Variants in DNAH11 observed in about 807,000 individuals in gnomAD.
DNAH11 encodes the protein axonemal beta dynein heavy chain 11.
In DNAH11, 442 loss-of-function variants were observed where a neutral mutation model predicts 526.0. The ratio of observed to expected loss-of-function variants is 0.84; its 90% confidence interval spans 0.78 to 0.91. DNAH11 has a LOEUF of 0.91. Among genes scored for constraint, DNAH11 ranks in the 40% least tolerant of loss-of-function variants. The pLI is 0.00. For synonymous variants in DNAH11, 2,461 were observed against 1,935.9 expected, an observed-to-expected ratio of 1.27 and a Z score of -7.12; for missense variants, 6,989 against 5,448.7, an observed-to-expected ratio of 1.28 and a Z score of -8.90.
At position 21,638,971 on chromosome 7, in the gene DNAH11, A is replaced by C. The variant is rs747775141; in HGVS notation, c.4850A>C (p.Tyr1617Ser). 2 of 1,611,892 alleles carry C rather than the reference A, an allele frequency of 1.2e-6. No homozygotes were observed. The highest frequency in any genetic ancestry group is 3.4e-5 in the Admixed American group (2 of 59,512). ...LSLCEKALAEYLETKRIAFPR... is the reference protein window; with the variant it reads ...LSLCEKALAESLETKRIAFPR... ...CTTTGTGAAAAAGCTCTCGCTGAATACCTGGAAACCAAGCGCATAGCCTTT... is the reference window on the plus strand; with the variant it reads ...CTTTGTGAAAAAGCTCTCGCTGAATCCCTGGAAACCAAGCGCATAGCCTTT... Residue 1617 changes from tyrosine (Y) to serine (S), a missense_variant, in exon 28 of 82, where the codon TAC (tyrosine) becomes TCC (serine). Tyr to Ser is a moderately radical substitution (Grantham distance 144). Transcript: ENST00000409508.
At chr7:21,630,442 C>T (rs1042823562) in intron 25 of DNAH11, among the ~76,000 whole-genome samples, 10 of 152,088 alleles carry the variant, frequency 6.6e-5, no homozygotes, top group Admixed American at 5.9e-4. Flanking sequence ...TGTTTAATGT[C>T]AGTGTTTTTC....
At position 21,880,711 on chromosome 7, in the gene DNAH11, G is replaced by C. The variant is rs753789425; in HGVS notation, c.12205G>C (p.Glu4069Gln). 2.5e-6 allele frequency: 4 copies of C among 1,613,704 alleles called. No homozygotes were observed. The African/African-American group carries it at 5.3e-5, about 22-fold the overall frequency. Residue 4069 changes from glutamate (E) to glutamine (Q), a missense_variant, in exon 75 of 82, where the codon GAA (glutamate) becomes CAA (glutamine). Transcript: ENST00000409508. ...TTCTCTTTTTTCCCAGGATACACTT[G>C]AAATATGCTCCAAGGAGCAGGAGTT... ...ALYNFDQDTL[E>Q]ICSKEQEFKS...
At chr7:21,884,777 G>T (rs1784060899) in intron 76 of DNAH11, among the ~76,000 whole-genome samples, 1 of 152,124 alleles carries the variant, frequency 6.6e-6, no homozygotes, top group South Asian at 2.1e-4. Context: ...AGGCCACTAG[G>T]TTGGCACAGG....
At chr7:21,633,328 T>G (rs1786706169) in intron 25 of DNAH11, among the ~76,000 whole-genome samples, 1 of 152,244 alleles carries the variant, frequency 6.6e-6, no homozygotes, top group Non-Finnish European at 1.5e-5. Flanking sequence ...TTAGGTCTAT[T>G]TGGTCTAAGG....
At chr7:21,604,244 T>G (rs182288002) in intron 18 of DNAH11, among the ~76,000 whole-genome samples, 2 of 152,164 alleles carry the variant, frequency 1.3e-5, no homozygotes, top group Non-Finnish European at 2.9e-5. Flanking sequence ...AGCAAGATCT[T>G]TGTCCTGTTG....
chr7:21,859,528 A>T (rs149199849), intron 68 of DNAH11, among the ~76,000 whole-genome samples: 1 of 152,234 alleles, frequency 6.6e-6, no homozygotes, highest in African/African-American at 2.4e-5. Context: ...GGCCCCAAGC[A>T]TTTCAGATAA....
At chr7:21,763,573 A>G (rs905170860) in intron 54 of DNAH11, among the ~76,000 whole-genome samples, 1 of 151,572 alleles carries the variant, frequency 6.6e-6, no homozygotes, top group East Asian at 1.9e-4. Context: ...AAATGCTGCA[A>G]CTACTATGGA....
At chr7:21,867,593 G>A (rs927779211) in intron 71 of DNAH11, among the ~76,000 whole-genome samples, 9 of 152,188 alleles carry the variant, frequency 5.9e-5, no homozygotes, top group African/African-American at 2.2e-4. Flanking sequence ...ATAGCAGACA[G>A]CTGATGGCAC....
chr7:21,725,964 G>A lies in DNAH11; in HGVS notation c.7420G>A (p.Asp2474Asn). The stretch of plus-strand genomic sequence containing the variant: ...TGACAAAATTGCCCAGTTTACTATG[G>A]ATCCAGATGTGCCTCTGCAGGTAGG... ...WADKIAQFTM[D>N]PDVPLQTVLV... The change falls in exon 45 of 82, where the codon GAT (aspartate) becomes AAT (asparagine). Residue 2474 changes from aspartate (D) to asparagine (N), a missense_variant. Transcript: ENST00000409508. The A allele has an allele frequency of 6.4e-7, 1 of 1,554,272 alleles. No homozygotes were observed. Among genetic ancestry groups the A allele is most frequent in the Non-Finnish European group, 8.7e-7 (1 of 1,148,148 alleles).
chr7:21,731,007 GGTGGT>G (rs1785359711), intron 45 of DNAH11, among the ~76,000 whole-genome samples: 1 of 152,064 alleles, frequency 6.6e-6, no homozygotes, highest in Non-Finnish European at 1.5e-5. Flanking sequence ...AGCTAGGTGT[GGTGGT>G]GTGCGCCTAT....
At chr7:21,749,003 T>A (rs1454424194) in intron 52 of DNAH11, among the ~76,000 whole-genome samples, 1 of 152,228 alleles carries the variant, frequency 6.6e-6, no homozygotes, top group Non-Finnish European at 1.5e-5. Context: ...CTTAAACACT[T>A]GCTTACACAA....
chr7:21,780,627 A>C (rs754415831), intron 57 of DNAH11, among the ~76,000 whole-genome samples: 3 of 152,236 alleles, frequency 2.0e-5, no homozygotes, highest in Non-Finnish European at 4.4e-5. Context: ...AATTACCCTC[A>C]TAAAAGGAGA....
chr7:21,545,509 T>G lies in DNAH11; in HGVS notation c.495+360T>G, dbSNP rs181013484. 2.2e-4 allele frequency among the ~76,000 whole-genome samples: 34 copies of G among 152,308 alleles called. 1 individual carries two copies. Among genetic ancestry groups the G allele is most frequent in the Admixed American group, 1.8e-3 (28 of 15,306 alleles). ...TAGCAGCAGGTTTTAAGCTTCACAT[T>G]CAGAGTAGAGACAAATTTACACTTT... On this transcript the variant is annotated intron_variant, in intron 2 of 81. Transcript: ENST00000409508.
chr7:21,606,587 G>T (rs1244969752), intron 19 of DNAH11, 45 bp downstream of exon 19: 13 of 1,499,376 alleles, frequency 8.7e-6, no homozygotes, highest in Non-Finnish European at 1.2e-5. Flanking sequence ...GTTTTACTAG[G>T]ATAATTGAAG....
chr7:21,707,583 A>G (rs1784316730), intron 39 of DNAH11, 116 bp from the exon 40 acceptor site: 2 of 1,285,108 alleles, frequency 1.6e-6, no homozygotes, highest in Middle Eastern at 1.9e-4. Flanking sequence ...CGATCTTAGC[A>G]CACACACAGC....
chr7:21,799,027 T>C (rs77696505), intron 61 of DNAH11, among the ~76,000 whole-genome samples: 3,218 of 152,288 alleles, frequency 0.021, 115 homozygotes, highest in African/African-American at 0.073. Flanking sequence ...AACAGAGTTT[T>C]GAAACCAAAA....
At chr7:21,627,987 A>G (rs986937325) in intron 25 of DNAH11, among the ~76,000 whole-genome samples, 6 of 151,868 alleles carry the variant, frequency 4.0e-5, no homozygotes, top group Non-Finnish European at 8.8e-5. Context: ...AGAAACTTTC[A>G]CTTTTCATCT....
rs1784689444 is a variant in DNAH11 at position 21,899,903 on chromosome 7, C to T, written c.13163-77C>T. 3.9e-6 allele frequency: 6 copies of T among 1,539,934 alleles called. No homozygotes were observed. The South Asian group carries it at 7.4e-5, about 19-fold the overall frequency. ...AAACACCCTATGGGACTAAAGGATG[C>T]CTCAATTTACTGGTAGCTCCCGGGA... On this transcript the variant is annotated intron_variant, in intron 80 of 81. Coordinates refer to ENST00000409508, the MANE Select transcript of DNAH11 (RefSeq NM_001277115.2).
chr7:21,683,456 A>G (rs971905161), intron 31 of DNAH11, among the ~76,000 whole-genome samples: 3 of 152,238 alleles, frequency 2.0e-5, no homozygotes, highest in Non-Finnish European at 2.9e-5. Context: ...TATAGACAGT[A>G]TATTTTTCCA....
Sources: gnomAD v4.1 joint callset for allele counts (sites outside exome capture counted in the v4.1 genomes callset) on GRCh38, gnomAD v4.1.1 for gene constraint, MANE v1.5 for transcripts, NCBI Gene and HGNC (gene_info 2026-07-23, HGNC 2026-07-21) for gene names.